The following ANO10 variants were observed in gnomAD, a reference collection of about 807,000 sequenced individuals.
ANO10 encodes anoctamin 10.
Under a neutral mutation model 74.7 loss-of-function variants are expected in ANO10, and 77 were observed. The ratio of observed to expected loss-of-function variants is 1.03; its 90% CI spans 0.86 to 1.25. ANO10 has a LOEUF of 1.25. Among genes scored for constraint, ANO10 ranks in the 50% most tolerant of loss-of-function variants. The pLI, the probability that ANO10 is intolerant of heterozygous loss-of-function variation, is 0.00. For synonymous variants in ANO10, 279 were observed against 284.9 expected (o/e 0.98, Z 0.21); for missense variants, 721 against 778.1 (o/e 0.93, Z 0.87).
chr3:43,545,654 C>T (rs1183709839), intron 11 of ANO10, among the ~76,000 whole-genome samples: 1 of 152,190 alleles, frequency 6.6e-6, no homozygotes, highest in African/African-American at 2.4e-5. Context: ...GCATGAGCCA[C>T]CGTGCCCGAC....
At chr3:43,513,946 A>C (rs1049244173) in intron 11 of ANO10, among the ~76,000 whole-genome samples, 2 of 150,542 alleles carry the variant, frequency 1.3e-5, no homozygotes, top group Non-Finnish European at 3.0e-5. Flanking sequence ...TTTGTTTGCT[A>C]TTATTTATAA....
chr3:43,570,247 G>A (rs1212945827), intron 7 of ANO10, among the ~76,000 whole-genome samples: 1 of 145,280 alleles, frequency 6.9e-6, no homozygotes, highest in Admixed American at 6.9e-5. Flanking sequence ...TTGTGAAAAT[G>A]GCCATACTGC....
chr3:43,646,489 A>G (rs899203455), intron 1 of ANO10, among the ~76,000 whole-genome samples: 1 of 152,154 alleles, frequency 6.6e-6, no homozygotes, highest in Admixed American at 6.5e-5. Context: ...GCCTTAGAAG[A>G]CAGAGCCATG....
intron 7 of ANO10, among the ~76,000 whole-genome samples, chr3:43,568,192 T>C (rs2080480004): frequency 6.6e-6 from 1 of 152,140 alleles, no homozygotes; most frequent in Non-Finnish European, 1.5e-5. Flanking sequence ...AGCAAATCCT[T>C]AGAGACCTAC....
chr3:43,429,425 C>T (rs968293316), intron 12 of ANO10, among the ~76,000 whole-genome samples: 5 of 151,898 alleles, frequency 3.3e-5, no homozygotes, highest in Admixed American at 1.3e-4. Context: ...AGATATACCA[C>T]GAAATCCTGA....
At chr3:43,530,270 C>T (rs1238627887) in intron 11 of ANO10, among the ~76,000 whole-genome samples, 1 of 151,882 alleles carries the variant, frequency 6.6e-6, no homozygotes, top group Non-Finnish European at 1.5e-5. Flanking sequence ...ACAACAGATG[C>T]TTTCTAACAG....
intron 12 of ANO10, among the ~76,000 whole-genome samples, chr3:43,425,396 T>C (rs531137838): frequency 1.3e-5 from 2 of 151,806 alleles, no homozygotes; most frequent in East Asian, 1.9e-4. Context: ...TTACGAAATG[T>C]TGAAAAAAAC....
intron 4 of ANO10, among the ~76,000 whole-genome samples, chr3:43,589,246 A>G (rs1176545973): frequency 6.6e-6 from 1 of 152,214 alleles, no homozygotes; most frequent in Admixed American, 6.5e-5. Flanking sequence ...TGTCATTAAT[A>G]TAATGACATC....
intron 11 of ANO10, among the ~76,000 whole-genome samples, chr3:43,478,480 C>T (rs1346323558): frequency 6.6e-6 from 1 of 152,214 alleles, no homozygotes; most frequent in Non-Finnish European, 1.5e-5. Flanking sequence ...AGGATCTTAG[C>T]TGTCTGACTC....
intron 9 of ANO10, among the ~76,000 whole-genome samples, chr3:43,560,861 T>C (rs2149344364): frequency 6.6e-6 from 1 of 152,348 alleles, no homozygotes; most frequent in Non-Finnish European, 1.5e-5. Context: ...GCCATCATTT[T>C]CCATGAGTTT....
rs182714685 is a variant in ANO10 at position 43,541,697 on chromosome 3, T to C, written c.1797+8023A>G. 3.4e-3 allele frequency among the ~76,000 whole-genome samples: 523 copies of C among 152,230 alleles called. 4 individuals are homozygous for C. Among genetic ancestry groups the C allele is most frequent in the African/African-American group, 0.012 (502 of 41,540 alleles). ...TACTTAATCACTTGAAAACAAAGAG[T>C]TAAAGTAACTCTACTGAGTTACTTT... On this transcript the variant is annotated intron_variant, in intron 11 of 12. Transcript: ENST00000292246.
chr3:43,608,750 T>G (rs1366473291), intron 1 of ANO10, among the ~76,000 whole-genome samples: 1 of 152,056 alleles, frequency 6.6e-6, no homozygotes, highest in Non-Finnish European at 1.5e-5. Flanking sequence ...CCCAGCTAAT[T>G]TTTTCATTTT....
chr3:43,405,840 C>A (rs1023282307), intron 12 of ANO10, among the ~76,000 whole-genome samples: 1 of 152,198 alleles, frequency 6.6e-6, no homozygotes, highest in Admixed American at 6.5e-5. Flanking sequence ...TAATTATTGA[C>A]AAATGAATCT....
intron 9 of ANO10, among the ~76,000 whole-genome samples, chr3:43,556,530 C>T (rs2079759454): frequency 6.6e-6 from 1 of 152,136 alleles, no homozygotes; most frequent in South Asian, 2.1e-4. Context: ...GTATCAGCAC[C>T]TTTTACACTT....
At chr3:43,635,607 G>C (rs2083600401) in intron 1 of ANO10, among the ~76,000 whole-genome samples, 1 of 151,668 alleles carries the variant, frequency 6.6e-6, no homozygotes, top group African/African-American at 2.4e-5. Flanking sequence ...CGTATAATCT[G>C]GTAAGCTCTG....
intron 11 of ANO10, among the ~76,000 whole-genome samples, chr3:43,432,966 T>TTTTTTTTTTTTTTTTTTTTTTTTTTTTC (rs2093010676): frequency 8.7e-6 from 1 of 115,146 alleles, no homozygotes; most frequent in Non-Finnish European, 1.8e-5. Context: ...TTTTTTTTTT[T>TTTTTTTTTTTTTTTTTTTTTTTTTTTTC]TTTTTTTTGA....
chr3:43,663,161 G>A (rs762926740), intron 1 of ANO10, among the ~76,000 whole-genome samples: 2 of 152,252 alleles, frequency 1.3e-5, no homozygotes, highest in Middle Eastern at 3.4e-3. Context: ...CTGGCAAACC[G>A]AATCCAGTAG....
chr3:43,375,083 T>C (rs1315322148), intron 12 of ANO10, among the ~76,000 whole-genome samples: 1 of 151,260 alleles, frequency 6.6e-6, no homozygotes, highest in African/African-American at 2.4e-5. Context: ...ATTGCGCCAC[T>C]ACACTCCAGC....
At chr3:43,560,903 C>G (rs546705343) in intron 9 of ANO10, among the ~76,000 whole-genome samples, 2 of 152,346 alleles carry the variant, frequency 1.3e-5, no homozygotes, top group South Asian at 4.1e-4. Flanking sequence ...GCTGCTGCCT[C>G]TTCAGGGACC....
Sources: allele counts gnomAD v4.1 joint callset (sites outside exome capture counted in the v4.1 genomes callset), GRCh38; gene constraint gnomAD v4.1.1; transcripts MANE v1.5; gene names NCBI Gene and HGNC (gene_info 2026-07-23, HGNC 2026-07-21).